The following UBE3A variants were observed in gnomAD, a reference collection of about 807,000 sequenced individuals.
The protein encoded by UBE3A is ubiquitin-protein ligase E3A.
UBE3A carries 6 observed loss-of-function variants against 83.4 expected under a neutral mutation model. That is an observed-to-expected ratio of 0.07 (90% CI 0.04 to 0.14). The LOEUF (loss-of-function observed/expected upper bound fraction) is 0.14. Among genes scored for constraint, UBE3A ranks in the 10% least tolerant of loss-of-function variants. The pLI is 1.00. For missense variants in UBE3A, 456 were observed against 1,036.1 expected (o/e 0.44, Z 7.69); for synonymous variants, 337 against 355.4 (o/e 0.95, Z 0.58).
intron 1 of UBE3A, among the ~76,000 whole-genome samples, chr15:25,427,293 G>A (rs890634465): frequency 6.6e-6 from 1 of 151,910 alleles, no homozygotes; most frequent in African/African-American, 2.4e-5. Context: ...AAACCAATGA[G>A]TGCAAAAAGA....
At chr15:25,369,404 C>T (rs2079924122) in intron 6 of UBE3A, among the ~76,000 whole-genome samples, 1 of 148,194 alleles carries the variant, frequency 6.7e-6, no homozygotes, top group African/African-American at 2.5e-5. Flanking sequence ...AAAATCTCTG[C>T]AATTTTTAAT....
chr15:25,413,539 T>C (rs1261399590), intron 1 of UBE3A, among the ~76,000 whole-genome samples: 1 of 152,218 alleles, frequency 6.6e-6, no homozygotes, highest in African/African-American at 2.4e-5. Flanking sequence ...TAAGTCCTCC[T>C]GCTTTAGTTT....
chr15:25,423,909 A>C (rs977359685), intron 1 of UBE3A, among the ~76,000 whole-genome samples: 1 of 152,176 alleles, frequency 6.6e-6, no homozygotes, highest in Non-Finnish European at 1.5e-5. Context: ...ACATATATCA[A>C]GAATTCAACC....
intron 4 of UBE3A, among the ~76,000 whole-genome samples, chr15:25,381,572 C>T (rs2082174620): frequency 6.6e-6 from 1 of 152,044 alleles, no homozygotes; most frequent in African/African-American, 2.4e-5. Context: ...GCAGAATGAA[C>T]ATGTGAGGAA....
chr15:25,370,449 G>A lies in UBE3A; in HGVS notation c.1608+117C>T. ...ATAATACTTATATAAGATCAGAAAT[G>A]TCCATGTGTTCCTATGCTATATGGT... On this transcript the variant is annotated intron_variant, in intron 6 of 12. Coordinates refer to ENST00000648336, the MANE Select transcript of UBE3A (RefSeq NM_130839.5). The surrounding 1 kb of genome is among the most constrained non-coding windows in gnomAD (Gnocchi z 4.2). The A allele has an allele frequency of 1.7e-6, 2 of 1,194,864 alleles. No individual in the cohort carries two copies. The highest frequency in any genetic ancestry group is 2.5e-5 in the South Asian group (2 of 80,556). The allele number at this position is 1,194,864 out of a possible 1,614,324, so 74.0% of individuals were successfully genotyped here. A position where few individuals can be genotyped will look rare whatever the true frequency, so the allele number is the denominator to read the frequency against.
At chr15:25,366,791 A>C (rs1056966059) in intron 6 of UBE3A, among the ~76,000 whole-genome samples, 1 of 151,648 alleles carries the variant, frequency 6.6e-6, no homozygotes, top group East Asian at 1.9e-4. Flanking sequence ...ATGCACACAC[A>C]CCCCCACCTG....
chr15:25,392,615 CA>C (rs2084659615), intron 4 of UBE3A, among the ~76,000 whole-genome samples: 1 of 151,868 alleles, frequency 6.6e-6, no homozygotes, highest in Non-Finnish European at 1.5e-5. Flanking sequence ...AGAGGAATAG[CA>C]ATAAAAAGAG....
chr15:25,389,888 AACAG>A (rs58701157), intron 4 of UBE3A, among the ~76,000 whole-genome samples: 52 of 151,894 alleles, frequency 3.4e-4, no homozygotes, highest in African/African-American at 1.1e-3. Context: ...GCTCTGTCTC[AACAG>A]ACAGACAGAC....
At chr15:25,341,634 A>T (rs931062596) in intron 11 of UBE3A, among the ~76,000 whole-genome samples, 1 of 151,194 alleles carries the variant, frequency 6.6e-6, no homozygotes, top group African/African-American at 2.4e-5. Flanking sequence ...GTGGTGGCAG[A>T]TGCCTGTAAT....
intron 8 of UBE3A, among the ~76,000 whole-genome samples, chr15:25,356,301 G>C (rs1374464665): frequency 6.6e-6 from 1 of 151,196 alleles, no homozygotes; most frequent in Non-Finnish European, 1.5e-5. Flanking sequence ...TTCACACTGT[G>C]CTCTATGAGA....
chr15:25,371,358 A>G lies in UBE3A; in HGVS notation c.816T>C (p.Asn272=), dbSNP rs2080267873. The G allele has an allele frequency of 1.2e-6, 2 of 1,614,150 alleles. No homozygotes were observed. Among genetic ancestry groups the G allele is most frequent in the East Asian group, 4.5e-5 (2 of 44,886 alleles). Residue 272 remains asparagine, a synonymous_variant, in exon 6 of 13, where the codon AAT becomes AAC. Transcript: ENST00000648336. The surrounding 1 kb of genome is among the most constrained non-coding windows in gnomAD (Gnocchi z 5.3). Reference sequence around the variant, plus strand: ...GATAATTAGGATCTCGAGAGTATACATTGTGATACGTCAAGTCACATTCCA... The same window carrying G: ...GATAATTAGGATCTCGAGAGTATACGTTGTGATACGTCAAGTCACATTCCA... The part of the protein sequence containing the change: ...PNVECDLTYH[N]VYSRDPNYLN...
intron 7 of UBE3A, among the ~76,000 whole-genome samples, chr15:25,358,703 G>A (rs946173084): frequency 2.6e-5 from 4 of 152,080 alleles, no homozygotes; most frequent in African/African-American, 9.7e-5. Context: ...TAAAAATAAG[G>A]AGCTTTAACA....
chr15:25,422,443 A>C (rs774310683), intron 1 of UBE3A, among the ~76,000 whole-genome samples: 1 of 152,154 alleles, frequency 6.6e-6, no homozygotes, highest in African/African-American at 2.4e-5. Context: ...GATTTTTTTC[A>C]AAGTTTGTGA....
At chr15:25,407,448 G>T in intron 3 of UBE3A, 1 of 206,984 alleles carries the variant, frequency 4.8e-6, no homozygotes, top group Non-Finnish European at 8.7e-6. Context: ...ATATGTAACT[G>T]TTACAAAGTT....
rs1566963856 is a variant in UBE3A at position 25,371,950 on chromosome 15, AATACTT to A, written c.362-144_362-139del. 1 of 917,572 alleles carries A rather than the reference AATACTT, an allele frequency of 1.1e-6. No homozygotes were observed. Among genetic ancestry groups the A allele is most frequent in the Non-Finnish European group, 1.6e-6 (1 of 627,398 alleles). 56.8% of individuals were successfully genotyped at this position (917,572 alleles called of 1,614,324 possible). ...ATGATATACAACTCTTAAAGTATCT[AATACTT>A]AGATTCAGCAAACAAAATTTAATGC... On this transcript the variant is annotated intron_variant, in intron 5 of 12. Coordinates refer to ENST00000648336, the MANE Select transcript of UBE3A (RefSeq NM_130839.5). The surrounding 1 kb of genome is among the most constrained non-coding windows in gnomAD (Gnocchi z 5.3).
At chr15:25,398,771 T>TTATTTATATA (rs1393685515) in intron 4 of UBE3A, among the ~76,000 whole-genome samples, 22 of 68,922 alleles carry the variant, frequency 3.2e-4, no homozygotes, top group South Asian at 6.2e-4. Context: ...ATTCTTTTAT[T>TTATTTATATA]TATATATATA....
At chr15:25,389,748 T>C (rs2083903008) in intron 4 of UBE3A, among the ~76,000 whole-genome samples, 1 of 151,914 alleles carries the variant, frequency 6.6e-6, no homozygotes. Context: ...ATTAGCCAGG[T>C]GTGGTGGTGC....
At position 25,350,001 on chromosome 15, in the gene UBE3A, C is replaced by T. The variant is rs569565014; in HGVS notation, c.2354+4352G>A. On this transcript the variant is annotated intron_variant, in intron 11 of 12. Transcript: ENST00000648336. ...GAGTTGTTGGCTGGGTGCAGTGGCT[C>T]ACGCCTGTAATCCCAGCACTTTGGA... Among the ~76,000 whole-genome samples, 67 of 152,260 alleles carry T rather than the reference C, an allele frequency of 4.4e-4. No individual in the cohort carries two copies. The South Asian group carries it at 0.013, about 31-fold the overall frequency.
intron 11 of UBE3A, among the ~76,000 whole-genome samples, chr15:25,345,080 C>A (rs2075448879): frequency 6.6e-6 from 1 of 152,040 alleles, no homozygotes; most frequent in Admixed American, 6.6e-5. Context: ...TATAATTGGA[C>A]AGAAACAAAG....
Sources: gnomAD v4.1 joint callset for allele counts (sites outside exome capture counted in the v4.1 genomes callset) on GRCh38, gnomAD v4.1.1 for gene constraint, Gnocchi (gnomAD v3.1) non-coding constraint, MANE v1.5 for transcripts, NCBI Gene and HGNC (gene_info 2026-07-23, HGNC 2026-07-21) for gene names.